RAB6B: variants seen among roughly 807,000 people sequenced by gnomAD.
RAB6B encodes the protein RAB6B, member RAS oncogene family, also known as ras-related protein Rab-6B.
RAB6B carries 7 observed loss-of-function variants against 31.2 expected under a neutral mutation model. That is an observed-to-expected ratio of 0.22 (90% CI 0.13 to 0.42). The LOEUF (loss-of-function observed/expected upper bound fraction) is 0.42, where lower values mean the gene tolerates loss of function less well. Ranked by LOEUF, RAB6B falls within the 10% of genes least tolerant of loss-of-function variation. RAB6B has a pLI of 1.00. For missense variants in RAB6B, 149 were observed against 280.6 expected (o/e 0.53, Z 3.35); for synonymous variants, 105 against 104.9 (o/e 1.00, Z -0.01).
Position 133,827,894 on chromosome 3 carries a change from T to G in RAB6B, c.*894A>C. 1 of 702,882 alleles carries G rather than the reference T, an allele frequency of 1.4e-6. No individual in the cohort carries two copies. The highest frequency in any genetic ancestry group is 2.6e-6 in the Non-Finnish European group (1 of 384,966). The allele number at this position is 702,882 out of a possible 1,614,324, so 43.5% of individuals were successfully genotyped here. On this transcript the variant is annotated 3_prime_UTR_variant, in exon 8 of 8. Coordinates refer to ENST00000285208, the MANE Select transcript of RAB6B (RefSeq NM_016577.4). ...ACTTGGCCCAGGCATGTGTACTGAC[T>G]GCTGGGTGGGCTGGTTAAAATATTT...
chr3:133,870,486 T>C (rs1404394507), intron 1 of RAB6B, among the ~76,000 whole-genome samples: 1 of 151,630 alleles, frequency 6.6e-6, no homozygotes, highest in East Asian at 1.9e-4. Flanking sequence ...AATGCAGAGG[T>C]GGTGGGGCTG....
In RAB6B at chr3:133,853,761, A is replaced by C. The variant is rs533619909; in HGVS notation, c.129+10823T>G. ...GCTTCCTCATCTCTAATACATGAAA[A>C]GTCACAGCTTCCTTTAAGGACTGTT... On this transcript the variant is annotated intron_variant, in intron 2 of 7. Coordinates refer to ENST00000285208, the MANE Select transcript of RAB6B (RefSeq NM_016577.4). 5.3e-5 allele frequency among the ~76,000 whole-genome samples: 8 copies of C among 152,298 alleles called. No homozygotes were observed. In the East Asian group the frequency reaches 9.6e-4, roughly 18 times the overall value.
In RAB6B at chr3:133,828,462, T is replaced by A. The variant is rs1016134843; in HGVS notation, c.*326A>T. The A allele has an allele frequency of 2.2e-5, 9 of 411,932 alleles. No homozygotes were observed. The highest frequency in any genetic ancestry group is 4.2e-5 in the African/African-American group (2 of 48,092). The allele number at this position is 411,932 out of a possible 1,614,324, so 25.5% of individuals were successfully genotyped here. On this transcript the variant is annotated 3_prime_UTR_variant, in exon 8 of 8. Coordinates refer to ENST00000285208, the MANE Select transcript of RAB6B (RefSeq NM_016577.4). ...AAAAACAAAAAGCACATCTTTCAAA[T>A]AAAAATGACTACATTTTTATCTGGC...
chr3:133,851,073 A>T (rs1447309953), intron 2 of RAB6B, among the ~76,000 whole-genome samples: 2 of 152,160 alleles, frequency 1.3e-5, no homozygotes, highest in East Asian at 3.9e-4. Context: ...AATACTCTTC[A>T]AAAGTATGAA....
rs982232107 is a variant in RAB6B, at chr3:133,825,808, C to T, written c.*2980G>A. 2.0e-5 allele frequency: 3 copies of T among 152,308 alleles called. No individual in the cohort carries two copies. Among genetic ancestry groups the T allele is most frequent in the South Asian group, 2.1e-4 (1 of 4,816 alleles). The allele number at this position is 152,308 out of a possible 1,614,324, so 9.4% of individuals were successfully genotyped here. A position where few individuals can be genotyped will look rare whatever the true frequency, so the allele number is the denominator to read the frequency against. On this transcript the variant is annotated 3_prime_UTR_variant, in exon 8 of 8. Coordinates refer to ENST00000285208, the MANE Select transcript of RAB6B (RefSeq NM_016577.4). ...AGGATCCTGCTAATCTGCCAGGTCA[C>T]GTCTAGTCTTTGGGGAGAGGGACTG...
At chr3:133,853,021 C>T (rs1936009850) in intron 2 of RAB6B, among the ~76,000 whole-genome samples, 1 of 152,124 alleles carries the variant, frequency 6.6e-6, no homozygotes, top group African/African-American at 2.4e-5. Context: ...CTAGTTTTTC[C>T]TCCTCTGCAT....
At chr3:133,878,131 A>T (rs1936420827) in intron 1 of RAB6B, among the ~76,000 whole-genome samples, 1 of 152,160 alleles carries the variant, frequency 6.6e-6, no homozygotes, top group African/African-American at 2.4e-5. Flanking sequence ...CAGAAAAAAT[A>T]TTTGAAGAAA....
intron 2 of RAB6B, among the ~76,000 whole-genome samples, chr3:133,852,161 G>A (rs577605333): frequency 2.0e-5 from 3 of 152,306 alleles, no homozygotes; most frequent in South Asian, 4.1e-4. Context: ...CCGGGGCTGC[G>A]GGGCTCTGTC....
chr3:133,884,477 C>G (rs922900289), intron 1 of RAB6B, among the ~76,000 whole-genome samples: 11 of 152,348 alleles, frequency 7.2e-5, no homozygotes, highest in Admixed American at 7.2e-4. Context: ...GGGGCACTCC[C>G]TTCTACAATG....
chr3:133,853,136 C>T (rs1428991054), intron 2 of RAB6B, among the ~76,000 whole-genome samples: 2 of 152,130 alleles, frequency 1.3e-5, no homozygotes, highest in Non-Finnish European at 2.9e-5. Context: ...CTGAAAAAGG[C>T]CCCAGCAACC....
intron 1 of RAB6B, among the ~76,000 whole-genome samples, chr3:133,884,461 T>C (rs1237417196): frequency 2.0e-5 from 3 of 152,176 alleles, no homozygotes; most frequent in African/African-American, 7.2e-5. Flanking sequence ...CTCCAAGGCA[T>C]GGAAAGGGGC....
At chr3:133,873,290 C>T (rs1315930477) in intron 1 of RAB6B, among the ~76,000 whole-genome samples, 1 of 152,240 alleles carries the variant, frequency 6.6e-6, no homozygotes, top group African/African-American at 2.4e-5. Flanking sequence ...ACACTTTCAG[C>T]AGCTCTGTGG....
intron 2 of RAB6B, among the ~76,000 whole-genome samples, chr3:133,855,661 G>A (rs1402433080): frequency 6.6e-6 from 1 of 152,180 alleles, no homozygotes; most frequent in Non-Finnish European, 1.5e-5. Context: ...AGATACTCCA[G>A]GTGTCGGACT....
At chr3:133,849,614 T>C (rs958863877) in intron 2 of RAB6B, among the ~76,000 whole-genome samples, 1 of 152,188 alleles carries the variant, frequency 6.6e-6, no homozygotes, top group Non-Finnish European at 1.5e-5. Context: ...TCAGAATCAG[T>C]TTCCCTGAAT....
chr3:133,865,659 G>A (rs1010978197), intron 1 of RAB6B, among the ~76,000 whole-genome samples: 6 of 152,216 alleles, frequency 3.9e-5, no homozygotes, highest in Non-Finnish European at 8.8e-5. Flanking sequence ...CAGGAGGACA[G>A]GTAATGCTGG....
chr3:133,828,778 C>T lies in RAB6B; in HGVS notation c.*10G>A, dbSNP rs774717347. 1.7e-5 allele frequency: 28 copies of T among 1,603,530 alleles called. No homozygotes were observed. Among genetic ancestry groups the T allele is most frequent in the East Asian group, 2.2e-5 (1 of 44,820 alleles). ...AGGAGTGTCATGGGAAGCCACAGGT[C>T]GGCTCTGCATTAGCAGGAGCAGCCG... On this transcript the variant is annotated 3_prime_UTR_variant, in exon 8 of 8. Coordinates refer to ENST00000285208, the MANE Select transcript of RAB6B (RefSeq NM_016577.4).
chr3:133,840,430 C>A (rs1359982957), intron 4 of RAB6B, among the ~76,000 whole-genome samples: 1 of 152,226 alleles, frequency 6.6e-6, no homozygotes, highest in Non-Finnish European at 1.5e-5. Context: ...GCCATGTGAA[C>A]CCAGGCCCTT....
chr3:133,873,351 G>A (rs1008145770), intron 1 of RAB6B, among the ~76,000 whole-genome samples: 2 of 152,194 alleles, frequency 1.3e-5, no homozygotes, highest in African/African-American at 4.8e-5. Context: ...ACTGGCTGGA[G>A]ACTGGAAGAT....
intron 1 of RAB6B, among the ~76,000 whole-genome samples, chr3:133,881,188 T>A (rs934040385): frequency 6.6e-6 from 1 of 152,170 alleles, no homozygotes; most frequent in Non-Finnish European, 1.5e-5. Context: ...CCTGTCCCCA[T>A]GCTGCGAGCT....
Sources: allele counts gnomAD v4.1 joint callset (sites outside exome capture counted in the v4.1 genomes callset), GRCh38; gene constraint gnomAD v4.1.1; transcripts MANE v1.5; gene names NCBI Gene and HGNC (gene_info 2026-07-23, HGNC 2026-07-21).